Variants in COL5A2 observed in about 807,000 individuals in gnomAD.
COL5A2 encodes the protein collagen type V alpha 2 chain.
Under a neutral mutation model 208.2 loss-of-function variants are expected in COL5A2, and 23 were observed. The ratio of observed to expected loss-of-function variants is 0.11; its 90% confidence interval spans 0.08 to 0.16. The LOEUF is 0.16. Among genes scored for constraint, COL5A2 ranks in the 10% least tolerant of loss-of-function variants. The probability of loss-of-function intolerance (pLI) is 1.00; values close to 1 mark genes in which losing one functional copy is unlikely to be tolerated. For synonymous variants in COL5A2, 625 were observed against 628.5 expected, an observed-to-expected ratio of 0.99 and a Z score of 0.08; for missense variants, 1,590 against 1,956.4, an observed-to-expected ratio of 0.81 and a Z score of 3.53.
At chr2:189,328,991 A>T in the COL5A2 span, among the ~76,000 whole-genome samples, 1 of 152,232 alleles carries the variant, frequency 6.6e-6, no homozygotes, top group African/African-American at 2.4e-5. Context: ...ACTTCTGGGT[A>T]TGTATCTAAA....
At chr2:189,161,960 T>C (rs889699788) in intron 1 of COL5A2, among the ~76,000 whole-genome samples, 2 of 152,200 alleles carry the variant, frequency 1.3e-5, no homozygotes, top group African/African-American at 4.8e-5. Context: ...GATGGCGGAC[T>C]TGAAAGATTT....
the COL5A2 span, among the ~76,000 whole-genome samples, chr2:189,264,362 A>C: frequency 6.6e-6 from 1 of 152,170 alleles, no homozygotes; most frequent in African/African-American, 2.4e-5. Flanking sequence ...ATGATATACT[A>C]TGCAGTCATG....
At position 189,064,602 on chromosome 2, in the gene COL5A2, C is replaced by T; in HGVS notation, c.1671G>A (p.Gln557=). 1.9e-6 allele frequency: 3 copies of T among 1,613,994 alleles called. No individual in the cohort carries two copies. Among genetic ancestry groups the T allele is most frequent in the Non-Finnish European group, 2.5e-6 (3 of 1,179,990 alleles). Residue 557 remains glutamine (Q), a synonymous_variant, in exon 25 of 54, where the codon CAG becomes CAA. Transcript: ENST00000374866. ...GTTCCCCTGGACGTCCTGGATCCCC[C>T]TGGCTTCCTTTGGGTCCTGAAGAAC... ...PVGSSGPKGS[Q]GDPGRPGEPG...
the COL5A2 span, among the ~76,000 whole-genome samples, chr2:189,350,526 T>A: frequency 6.6e-6 from 1 of 152,080 alleles, no homozygotes; most frequent in East Asian, 1.9e-4. Context: ...CAAGCCAATA[T>A]CATTCCAAGG....
At chr2:189,054,267 A>G in intron 35 of COL5A2, 55 bp from the exon 36 acceptor site, 1 of 1,288,320 alleles carries the variant, frequency 7.8e-7, no homozygotes, top group Non-Finnish European at 1.1e-6. Flanking sequence ...AGAAATCTTC[A>G]TGCTTAGCAA....
chr2:189,311,192 A>AC, the COL5A2 span: 1 of 927,070 alleles, frequency 1.1e-6, no homozygotes, highest in South Asian at 1.5e-5. Flanking sequence ...TGGCCAGACT[A>AC]TTTTTTTTTC....
At chr2:189,127,604 T>C (rs1405993386) in intron 1 of COL5A2, among the ~76,000 whole-genome samples, 1 of 152,024 alleles carries the variant, frequency 6.6e-6, no homozygotes, top group Non-Finnish European at 1.5e-5. Flanking sequence ...TATTTTCACC[T>C]AAAAAATAGG....
At chr2:189,337,416 T>C in the COL5A2 span, among the ~76,000 whole-genome samples, 1 of 151,898 alleles carries the variant, frequency 6.6e-6, no homozygotes, top group African/African-American at 2.4e-5. Flanking sequence ...TCTCCTGACC[T>C]CGTGATCCGC....
intron 18 of COL5A2, among the ~76,000 whole-genome samples, chr2:189,071,193 A>G (rs915205639): frequency 1.3e-5 from 2 of 152,196 alleles, no homozygotes; most frequent in African/African-American, 4.8e-5. Flanking sequence ...ACAAAATTCC[A>G]TGAGAAAACA....
At chr2:189,098,343 A>C (rs934164092) in intron 5 of COL5A2, among the ~76,000 whole-genome samples, 4 of 152,220 alleles carry the variant, frequency 2.6e-5, no homozygotes, top group Non-Finnish European at 5.9e-5. Context: ...GATTTCTCAA[A>C]TTCTACTGCA....
chr2:189,194,554 AAT>A (rs1459342732), intron 1 of COL5A2, among the ~76,000 whole-genome samples: 2 of 152,174 alleles, frequency 1.3e-5, no homozygotes, highest in Non-Finnish European at 2.9e-5. Context: ...ATGGCTGCAT[AAT>A]ATTCTAACTC....
chr2:189,284,782 C>A, the COL5A2 span, among the ~76,000 whole-genome samples: 2 of 152,158 alleles, frequency 1.3e-5, no homozygotes, highest in Middle Eastern at 6.8e-3. Flanking sequence ...TGTACTTATA[C>A]AAACGTAGAT....
At chr2:189,276,670 TA>T in the COL5A2 span, among the ~76,000 whole-genome samples, 33 of 152,270 alleles carry the variant, frequency 2.2e-4, no homozygotes, top group African/African-American at 7.7e-4. Context: ...ATCTACCTTA[TA>T]AAAAATATAT....
rs968269008 is a variant in COL5A2 at position 189,053,610 on chromosome 2, G to T, written c.2500-133C>A. 6.9e-6 allele frequency: 6 copies of T among 872,220 alleles called. No individual in the cohort carries two copies. The Admixed American group carries it at 7.0e-5, about 10-fold the overall frequency. 54.0% of individuals were successfully genotyped at this position (872,220 alleles called of 1,614,324 possible). The stretch of plus-strand genomic sequence containing the variant: ...AAATTACACATATTGCTTAAGGAAG[G>T]TCCTTAAGGATTATATAAAGATATA... On this transcript the variant is annotated intron_variant, in intron 37 of 53. Coordinates refer to ENST00000374866, the MANE Select transcript of COL5A2 (RefSeq NM_000393.5).
the COL5A2 span, among the ~76,000 whole-genome samples, chr2:189,239,833 G>A: frequency 1.8e-3 from 278 of 151,874 alleles, 1 homozygote; most frequent in African/African-American, 5.4e-3. Context: ...TAAGGAATGC[G>A]GGAGGACCTA....
the COL5A2 span, among the ~76,000 whole-genome samples, chr2:189,329,970 CAT>C: frequency 6.6e-6 from 1 of 151,608 alleles, no homozygotes; most frequent in Admixed American, 6.6e-5. Context: ...TACCTGGAAA[CAT>C]AGCAGGAAGA....
At chr2:189,355,838 T>G in the COL5A2 span, among the ~76,000 whole-genome samples, 1 of 152,220 alleles carries the variant, frequency 6.6e-6, no homozygotes, top group East Asian at 1.9e-4. Context: ...GCTGGTTACT[T>G]TGCCCGTTAC....
chr2:189,415,042 C>A, the COL5A2 span, among the ~76,000 whole-genome samples: 2 of 152,044 alleles, frequency 1.3e-5, no homozygotes, highest in Admixed American at 1.3e-4. Context: ...GAACTCTGGA[C>A]TGGGTTTATC....
intron 1 of COL5A2, among the ~76,000 whole-genome samples, chr2:189,193,142 A>G (rs1688952009): frequency 6.6e-6 from 1 of 152,220 alleles, no homozygotes; most frequent in African/African-American, 2.4e-5. Flanking sequence ...GTTCATTATA[A>G]ATTACCCAGT....
Sources: allele counts gnomAD v4.1 joint callset (sites outside exome capture counted in the v4.1 genomes callset), GRCh38; gene constraint gnomAD v4.1.1; transcripts MANE v1.5; gene names NCBI Gene and HGNC (gene_info 2026-07-23, HGNC 2026-07-21).